LRRTM4: variants seen among roughly 807,000 people sequenced by gnomAD.
LRRTM4 encodes the protein leucine-rich repeat transmembrane neuronal protein 4.
In LRRTM4, 25 loss-of-function variants were observed where a neutral mutation model predicts 47.6. That is an observed-to-expected ratio of 0.53 (90% CI 0.38 to 0.73). LRRTM4 has a LOEUF of 0.73. Among genes scored for constraint, LRRTM4 ranks in the 30% least tolerant of loss-of-function variants. The pLI, the probability that LRRTM4 is intolerant of heterozygous loss-of-function variation, is 0.00. For synonymous variants in LRRTM4, 311 were observed against 269.5 expected, an observed-to-expected ratio of 1.15 and a Z score of -1.51; for missense variants, 638 against 713.4, an observed-to-expected ratio of 0.89 and a Z score of 1.20.
intron 3 of LRRTM4, among the ~76,000 whole-genome samples, chr2:77,136,158 T>C (rs1284737070): frequency 6.6e-6 from 1 of 152,118 alleles, no homozygotes; most frequent in Non-Finnish European, 1.5e-5. Flanking sequence ...GTTTGAGATC[T>C]GAGAATGGAC....
At chr2:77,320,952 G>T (rs1385230972) in intron 3 of LRRTM4, among the ~76,000 whole-genome samples, 3 of 151,792 alleles carry the variant, frequency 2.0e-5, no homozygotes, top group Non-Finnish European at 4.4e-5. Flanking sequence ...ATACCTGATA[G>T]GGATATTGAA....
intron 3 of LRRTM4, among the ~76,000 whole-genome samples, chr2:76,858,935 T>C (rs992151657): frequency 2.6e-5 from 4 of 152,188 alleles, no homozygotes; most frequent in African/African-American, 7.2e-5. Context: ...AATATCTCCA[T>C]CCAGGTGTCT....
intron 3 of LRRTM4, among the ~76,000 whole-genome samples, chr2:77,435,456 C>A (rs1240156204): frequency 6.6e-6 from 1 of 152,096 alleles, no homozygotes; most frequent in Non-Finnish European, 1.5e-5. Context: ...CCTATATGTG[C>A]ATATTCTTTA....
rs990435700 is a variant in LRRTM4, at chr2:77,521,665, T to C, written c.4+3A>G. ...CAGAAGGAAACAACAAAAGTTCACTTACCCATCCTTTGTCATCCAAAAACG... is the reference window on the plus strand; with the variant it reads ...CAGAAGGAAACAACAAAAGTTCACTCACCCATCCTTTGTCATCCAAAAACG... On this transcript the variant is annotated splice_donor_region_variant and intron_variant, in intron 2 of 3. Coordinates refer to ENST00000409884, the MANE Select transcript of LRRTM4 (RefSeq NM_001134745.3). 4.3e-6 allele frequency: 7 copies of C among 1,612,296 alleles called. No individual in the cohort carries two copies. Among genetic ancestry groups the C allele is most frequent in the Non-Finnish European group, 5.1e-6 (6 of 1,179,102 alleles).
At chr2:77,222,762 G>A (rs1019994688) in intron 3 of LRRTM4, among the ~76,000 whole-genome samples, 19 of 152,174 alleles carry the variant, frequency 1.2e-4, no homozygotes, top group African/African-American at 4.3e-4. Flanking sequence ...ATTCACAGCC[G>A]AATTCTACCA....
chr2:77,013,695 T>A (rs565417135), intron 3 of LRRTM4, among the ~76,000 whole-genome samples: 1 of 151,904 alleles, frequency 6.6e-6, no homozygotes, highest in Non-Finnish European at 1.5e-5. Context: ...GCGATAACAA[T>A]CTCCCCAGTA....
intron 3 of LRRTM4, among the ~76,000 whole-genome samples, chr2:77,312,537 C>T (rs1422865934): frequency 1.3e-5 from 2 of 152,058 alleles, no homozygotes. Context: ...CATAAATATT[C>T]ATTGTATTTA....
chr2:76,907,064 CT>C (rs1427063514), intron 3 of LRRTM4, among the ~76,000 whole-genome samples: 83 of 152,096 alleles, frequency 5.5e-4, no homozygotes, highest in Non-Finnish European at 8.8e-4. Flanking sequence ...CAAACCACAC[CT>C]ATTCCAAAAT....
intron 3 of LRRTM4, among the ~76,000 whole-genome samples, chr2:77,069,240 T>C (rs1207127952): frequency 6.6e-6 from 1 of 152,138 alleles, no homozygotes; most frequent in East Asian, 1.9e-4. Flanking sequence ...GTTGGTCTCA[T>C]CAGAGGTGTT....
chr2:76,969,145 T>C (rs564634972), intron 3 of LRRTM4, among the ~76,000 whole-genome samples: 29 of 152,060 alleles, frequency 1.9e-4, no homozygotes, highest in Admixed American at 5.3e-4. Context: ...AAAGACACCC[T>C]TCTCCTTGTC....
At chr2:76,895,266 A>T (rs1441275395) in intron 3 of LRRTM4, among the ~76,000 whole-genome samples, 1 of 152,076 alleles carries the variant, frequency 6.6e-6, no homozygotes. Context: ...ATATTCAAAT[A>T]AGCTTCATAA....
chr2:77,454,336 G>T (rs1676378657), intron 3 of LRRTM4, among the ~76,000 whole-genome samples: 1 of 152,140 alleles, frequency 6.6e-6, no homozygotes, highest in Non-Finnish European at 1.5e-5. Flanking sequence ...TGCTTTTTTA[G>T]TACTTTTACC....
intron 3 of LRRTM4, among the ~76,000 whole-genome samples, chr2:76,886,618 C>G (rs1425689876): frequency 6.6e-6 from 1 of 151,854 alleles, no homozygotes; most frequent in Non-Finnish European, 1.5e-5. Context: ...AATCAGTAGA[C>G]TTAATAAGAG....
At chr2:77,463,353 C>A (rs2103976538) in intron 3 of LRRTM4, among the ~76,000 whole-genome samples, 1 of 152,154 alleles carries the variant, frequency 6.6e-6, no homozygotes, top group Non-Finnish European at 1.5e-5. Flanking sequence ...AAAACCCTTT[C>A]TTTCAATGTC....
intron 3 of LRRTM4, among the ~76,000 whole-genome samples, chr2:76,957,202 A>G (rs984492267): frequency 6.6e-6 from 1 of 151,694 alleles, no homozygotes; most frequent in African/African-American, 2.4e-5. Context: ...GGGAGGTGTT[A>G]AAGTGGTCAA....
intron 3 of LRRTM4, among the ~76,000 whole-genome samples, chr2:77,090,252 CT>C: frequency 6.6e-6 from 1 of 152,166 alleles, no homozygotes; most frequent in East Asian, 1.9e-4. Flanking sequence ...AAGGTTAATG[CT>C]CCTTTTTCTT....
intron 3 of LRRTM4, among the ~76,000 whole-genome samples, chr2:77,354,740 C>G (rs1671908399): frequency 6.6e-6 from 1 of 152,144 alleles, no homozygotes; most frequent in Non-Finnish European, 1.5e-5. Flanking sequence ...GCTGGCCTTT[C>G]ATACTTCCAC....
chr2:76,966,638 T>C (rs1280712631), intron 3 of LRRTM4, among the ~76,000 whole-genome samples: 1 of 151,556 alleles, frequency 6.6e-6, no homozygotes, highest in Non-Finnish European at 1.5e-5. Context: ...ATTATCACCT[T>C]CTTGTCTTCC....
chr2:77,197,374 A>C (rs1335502422), intron 3 of LRRTM4, among the ~76,000 whole-genome samples: 1 of 152,138 alleles, frequency 6.6e-6, no homozygotes, highest in Non-Finnish European at 1.5e-5. Flanking sequence ...TACACATACA[A>C]AAAAGTAAAA....
Sources: allele counts gnomAD v4.1 joint callset (sites outside exome capture counted in the v4.1 genomes callset), GRCh38; gene constraint gnomAD v4.1.1; transcripts MANE v1.5; gene names NCBI Gene and HGNC (gene_info 2026-07-23, HGNC 2026-07-21).